The following PIP4K2A variants were observed in gnomAD, a reference collection of about 807,000 sequenced individuals.
PIP4K2A encodes the protein phosphatidylinositol-5-phosphate 4-kinase type 2 alpha, also known as phosphatidylinositol 5-phosphate 4-kinase type-2 alpha.
A neutral mutation model predicts 42.9 loss-of-function variants in PIP4K2A; 14 were observed. The observed-to-expected ratio is 0.33, with a 90% confidence interval of 0.22 to 0.51. The LOEUF (loss-of-function observed/expected upper bound fraction) is 0.51, where lower values mean the gene tolerates loss of function less well. Among genes scored for constraint, PIP4K2A ranks in the 20% least tolerant of loss-of-function variants. PIP4K2A has a pLI of 0.97. For missense variants in PIP4K2A, 434 were observed against 519.8 expected (o/e 0.83, Z 1.61); for synonymous variants, 192 against 192.2 (o/e 1.00, Z 0.01).
intron 3 of PIP4K2A, among the ~76,000 whole-genome samples, chr10:22,601,443 C>A (rs16922488): frequency 6.6e-6 from 1 of 152,132 alleles, no homozygotes; most frequent in Non-Finnish European, 1.5e-5. Flanking sequence ...GAGCTTCCCC[C>A]AGTCTATCAA....
chr10:22,591,915 T>C (rs1837522495), intron 3 of PIP4K2A, 134 bp from the exon 4 acceptor site: 1 of 721,960 alleles, frequency 1.4e-6, no homozygotes, highest in African/African-American at 1.8e-5. Flanking sequence ...AATTGATAAG[T>C]AGGATGACAA....
chr10:22,656,319 T>C (rs540207110), intron 1 of PIP4K2A, among the ~76,000 whole-genome samples: 18 of 152,280 alleles, frequency 1.2e-4, no homozygotes, highest in Non-Finnish European at 2.1e-4. Flanking sequence ...AGAGGGGAAC[T>C]GTGCCTAAAA....
At chr10:22,664,043 ATATACATATG>A (rs1284103366) in intron 1 of PIP4K2A, among the ~76,000 whole-genome samples, 1,942 of 108,540 alleles carry the variant, frequency 0.018, 244 homozygotes, top group African/African-American at 0.099. Flanking sequence ...ATATATATAT[ATATACATATG>A]TATATATACA....
intron 4 of PIP4K2A, among the ~76,000 whole-genome samples, chr10:22,584,711 C>T (rs536100189): frequency 6.6e-6 from 1 of 152,274 alleles, no homozygotes; most frequent in Non-Finnish European, 1.5e-5. Context: ...ATGACAAATA[C>T]CTTCCCCTGT....
intron 1 of PIP4K2A, among the ~76,000 whole-genome samples, chr10:22,666,373 T>C (rs1016795988): frequency 1.3e-5 from 2 of 152,170 alleles, no homozygotes; most frequent in Non-Finnish European, 2.9e-5. Flanking sequence ...TACCCTCATA[T>C]AAAAGTCACG....
intron 1 of PIP4K2A, among the ~76,000 whole-genome samples, chr10:22,655,527 T>C (rs746200229): frequency 2.6e-5 from 4 of 152,344 alleles, no homozygotes; most frequent in Non-Finnish European, 5.9e-5. Flanking sequence ...TACAGGTAAG[T>C]ATAAAGAACA....
chr10:22,665,280 G>A (rs1383465551), intron 1 of PIP4K2A, among the ~76,000 whole-genome samples: 1 of 152,322 alleles, frequency 6.6e-6, no homozygotes, highest in South Asian at 2.1e-4. Context: ...TTAAAAATAT[G>A]AAATCCTATT....
intron 1 of PIP4K2A, among the ~76,000 whole-genome samples, chr10:22,613,896 A>T (rs890236838): frequency 3.3e-5 from 5 of 152,212 alleles, no homozygotes; most frequent in African/African-American, 4.8e-5. Context: ...TTGGAAATGG[A>T]AAGTCAGTAC....
intron 1 of PIP4K2A, among the ~76,000 whole-genome samples, chr10:22,610,771 C>A (rs575911481): frequency 2.2e-4 from 34 of 152,274 alleles, no homozygotes; most frequent in Non-Finnish European, 4.0e-4. Context: ...GGGAGCTCAA[C>A]AAAGGCTTCA....
At position 22,656,446 on chromosome 10, in the gene PIP4K2A, G is replaced by A. The variant is rs563087736; in HGVS notation, c.145-46729C>T. Among the ~76,000 whole-genome samples the A allele has an allele frequency of 4.6e-5, 7 of 152,358 alleles. No homozygotes were observed. In the East Asian group the frequency reaches 1.4e-3, roughly 29 times the overall value. ...CTTTCATTCCACTGTTAAGGGAAGA[G>A]ACACTGTCTTGCTGGACTCAGTGGT... is the stretch of plus-strand genomic sequence containing the variant. On this transcript the variant is annotated intron_variant, in intron 1 of 9. Transcript: ENST00000376573.
chr10:22,681,017 A>G (rs965754911), intron 1 of PIP4K2A, among the ~76,000 whole-genome samples: 1 of 152,136 alleles, frequency 6.6e-6, no homozygotes, highest in East Asian at 1.9e-4. Context: ...TAACCTGAAT[A>G]AGGAAATTTC....
At chr10:22,672,121 GA>G (rs1839464309) in intron 1 of PIP4K2A, among the ~76,000 whole-genome samples, 1 of 152,032 alleles carries the variant, frequency 6.6e-6, no homozygotes, top group Non-Finnish European at 1.5e-5. Flanking sequence ...TCCTACTACA[GA>G]AAAAGACCGA....
chr10:22,607,717 T>C (rs1837935583), intron 3 of PIP4K2A: 2 of 353,796 alleles, frequency 5.7e-6, no homozygotes, highest in African/African-American at 2.1e-5. Context: ...TATATTTTCC[T>C]ACTGACTTTT....
intron 3 of PIP4K2A, among the ~76,000 whole-genome samples, chr10:22,606,023 C>G (rs1336398629): frequency 6.6e-6 from 1 of 151,674 alleles, no homozygotes; most frequent in East Asian, 1.9e-4. Context: ...TAATTGTGAT[C>G]TAAGTTCTCT....
At chr10:22,570,544 G>C (rs1419691435) in intron 5 of PIP4K2A, among the ~76,000 whole-genome samples, 1 of 152,168 alleles carries the variant, frequency 6.6e-6, no homozygotes, top group Non-Finnish European at 1.5e-5. Flanking sequence ...ACAGGACAAG[G>C]GTGTATTTGG....
intron 1 of PIP4K2A, among the ~76,000 whole-genome samples, chr10:22,639,832 A>C (rs908894018): frequency 6.7e-6 from 1 of 150,200 alleles, no homozygotes; most frequent in Admixed American, 6.6e-5. Context: ...TTAAAGTCAC[A>C]TAATGTCTTC....
rs1836120678 is a variant in PIP4K2A, at chr10:22,541,794, T to G, written c.1036+10A>C. On this transcript the variant is annotated intron_variant, in intron 8 of 9. Coordinates refer to ENST00000376573, the MANE Select transcript of PIP4K2A (RefSeq NM_005028.5). ...CACATGCAAAAAGGGTCCACAGTAA[T>G]CAAACTTACTTTCATGGCACTTAAT... 6.5e-7 allele frequency: 1 copy of G among 1,537,604 alleles called. No individual in the cohort carries two copies. The highest frequency in any genetic ancestry group is 1.4e-5 in the African/African-American group (1 of 72,624).
At chr10:22,542,470 G>C (rs1836147207) in intron 7 of PIP4K2A, among the ~76,000 whole-genome samples, 1 of 152,202 alleles carries the variant, frequency 6.6e-6, no homozygotes, top group Non-Finnish European at 1.5e-5. Flanking sequence ...GGTAGTTCAG[G>C]AAAGCACCCT....
intron 1 of PIP4K2A, among the ~76,000 whole-genome samples, chr10:22,650,472 C>T (rs1281633377): frequency 6.6e-6 from 1 of 152,088 alleles, no homozygotes; most frequent in Non-Finnish European, 1.5e-5. Context: ...CCTCAGTTTT[C>T]ATAACTATAA....
Sources: allele counts gnomAD v4.1 joint callset (sites outside exome capture counted in the v4.1 genomes callset), GRCh38; gene constraint gnomAD v4.1.1; transcripts MANE v1.5; gene names NCBI Gene and HGNC (gene_info 2026-07-23, HGNC 2026-07-21).